LTBP2: variants seen among roughly 807,000 people sequenced by gnomAD.
The protein encoded by LTBP2 is latent-transforming growth factor beta-binding protein 2.
A neutral mutation model predicts 210.6 loss-of-function variants in LTBP2; 103 were observed. That is an observed-to-expected ratio of 0.49 (90% confidence interval 0.42 to 0.58). The LOEUF is 0.58. Among genes scored for constraint, LTBP2 ranks in the 20% least tolerant of loss-of-function variants. The probability of loss-of-function intolerance (pLI) is 0.00; values close to 1 mark genes in which losing one functional copy is unlikely to be tolerated. For missense variants in LTBP2, 2,313 were observed against 2,494.5 expected, an observed-to-expected ratio of 0.93 and a Z score of 1.55; for synonymous variants, 1,007 against 1,015.0, an observed-to-expected ratio of 0.99 and a Z score of 0.15.
At chr14:74,527,109 A>G (rs2139716700) in intron 13 of LTBP2, among the ~76,000 whole-genome samples, 1 of 152,358 alleles carries the variant, frequency 6.6e-6, no homozygotes, top group Non-Finnish European at 1.5e-5. Flanking sequence ...CCCAAATGGG[A>G]AAATGCTTGC....
chr14:74,562,337 G>A (rs548394037), intron 3 of LTBP2, among the ~76,000 whole-genome samples: 3 of 152,258 alleles, frequency 2.0e-5, no homozygotes, highest in African/African-American at 4.8e-5. Flanking sequence ...AGGGGAGAGG[G>A]GGGAAGGGAA....
rs910573549 is a variant in LTBP2, at chr14:74,505,052, C to T, written c.4300G>A (p.Ala1434Thr). 3.1e-6 allele frequency: 5 copies of T among 1,614,034 alleles called. No individual in the cohort carries two copies. In the African/African-American group the frequency reaches 6.7e-5, roughly 22 times the overall value. ...GCGCCCTGGGTGCAGCAGCATTCAGCCTGTGTGGTGTTCCGGCCCAGGACA... is the reference window on the plus strand; with the variant it reads ...GCGCCCTGGGTGCAGCAGCATTCAGTCTGTGTGGTGTTCCGGCCCAGGACA... The part of the protein sequence containing the change: ...SSVLGRNTTQ[A>T]ECCCTQGASW... Residue 1434 changes from alanine (A) to threonine (T), a missense_variant, in exon 29 of 36, where the codon GCT (alanine) becomes ACT (threonine). By Grantham distance (58) the Ala-to-Thr change is moderately conservative. Coordinates refer to ENST00000261978, the MANE Select transcript of LTBP2 (RefSeq NM_000428.3).
intron 10 of LTBP2, among the ~76,000 whole-genome samples, chr14:74,530,109 T>C (rs1419938726): frequency 6.6e-6 from 1 of 152,122 alleles, no homozygotes; most frequent in African/African-American, 2.4e-5. Context: ...CTGCCCAGAG[T>C]CTATGCACCA....
intron 3 of LTBP2, among the ~76,000 whole-genome samples, chr14:74,576,207 G>A (rs1225670062): frequency 6.6e-6 from 1 of 152,230 alleles, no homozygotes; most frequent in Non-Finnish European, 1.5e-5. Context: ...CTTGCTAGGG[G>A]ATGGCCCGAG....
intron 1 of LTBP2, among the ~76,000 whole-genome samples, chr14:74,606,921 G>C (rs986502584): frequency 6.6e-6 from 1 of 151,636 alleles, no homozygotes. Flanking sequence ...ATCTGCATCT[G>C]CTGTGATCAC....
At position 74,603,717 on chromosome 14, in the gene LTBP2, C is replaced by A. The variant is rs575586944; in HGVS notation, c.495-12G>T. 6.2e-7 allele frequency: 1 copy of A among 1,613,430 alleles called. No individual in the cohort carries two copies. ...CGCAGACGTTCCTCCTGTGGGGTCA[C>A]CAAAACAGAGTCAACACAAGGATGC... On this transcript the variant is annotated splice_polypyrimidine_tract_variant and intron_variant, in intron 1 of 35. Transcript: ENST00000261978.
At position 74,586,021 on chromosome 14, in the gene LTBP2, G is replaced by T. The variant is rs553629191; in HGVS notation, c.663C>A (p.Val221=). The T allele has an allele frequency of 5.0e-6, 8 of 1,606,850 alleles. No individual in the cohort carries two copies. The Admixed American group carries it at 1.0e-4, about 21-fold the overall frequency. Residue 221 remains valine (V), a synonymous_variant, in exon 3 of 36, where the codon GTC becomes GTA. Transcript: ENST00000261978. The surrounding 1 kb of genome is among the most constrained non-coding windows in gnomAD (Gnocchi z 4.6). ...SGFRGARCEE[V]IPDEEFDPQN... ...GGGGGTCAAATTCCTCATCGGGAAT[G>T]ACCTCCTCGCAGCGGGCTCCACGGA...
rs1241934321 is a variant in LTBP2, at chr14:74,586,781, C to T, written c.566-663G>A. On this transcript the variant is annotated intron_variant, in intron 2 of 35. Coordinates refer to ENST00000261978, the MANE Select transcript of LTBP2 (RefSeq NM_000428.3). The surrounding 1 kb of genome is among the most constrained non-coding windows in gnomAD (Gnocchi z 4.6). ...CTTCCCATTGTTCTCCATCTCCCAC[C>T]CTCCTTAGCAAGGCAGAACTCTCGA... is the stretch of plus-strand genomic sequence containing the variant. 6.6e-6 allele frequency among the ~76,000 whole-genome samples: 1 copy of T among 152,182 alleles called. No homozygotes were observed. Among genetic ancestry groups the T allele is most frequent in the African/African-American group, 2.4e-5 (1 of 41,448 alleles).
chr14:74,597,063 T>G (rs561613634), intron 2 of LTBP2, among the ~76,000 whole-genome samples: 5 of 152,142 alleles, frequency 3.3e-5, no homozygotes, highest in African/African-American at 1.2e-4. Flanking sequence ...AAAAACAAAA[T>G]AGAAGACCCC....
Position 74,552,304 on chromosome 14 carries a change from G to A in LTBP2, c.1282C>T (p.His428Tyr). The A allele has an allele frequency of 6.2e-7, 1 of 1,613,130 alleles. No homozygotes were observed. Residue 428 changes from histidine to tyrosine, a missense_variant, in exon 6 of 36, where the codon CAC becomes TAC. By Grantham distance (83) the His-to-Tyr change is moderately conservative. This residue lies in a region of LTBP2 where 1,867 missense variants were observed against 1,976.9 expected (regional missense o/e 0.94). Transcript: ENST00000261978. ...CPANSTGKFC[H>Y]LPIPQPDREP... Reference sequence around the variant, plus strand: ...CTGTCCGGCTGCGGGATAGGCAGGTGGCAGAACTTCCCGGTGGAGTTGGCG... The same window carrying A: ...CTGTCCGGCTGCGGGATAGGCAGGTAGCAGAACTTCCCGGTGGAGTTGGCG...
intron 3 of LTBP2, among the ~76,000 whole-genome samples, chr14:74,576,630 A>ACT: frequency 6.6e-6 from 1 of 151,826 alleles, no homozygotes; most frequent in East Asian, 2.0e-4. Context: ...TACGCTGTAC[A>ACT]CTGTACAACT....
chr14:74,509,411 C>A, intron 21 of LTBP2, 48 bp from the exon 22 acceptor site: 1 of 1,611,484 alleles, frequency 6.2e-7, no homozygotes, highest in Non-Finnish European at 8.5e-7. Flanking sequence ...GCTCCCACTC[C>A]CCAGGCAATG....
chr14:74,588,463 C>T (rs1293382021), intron 2 of LTBP2, among the ~76,000 whole-genome samples: 3 of 152,064 alleles, frequency 2.0e-5, no homozygotes, highest in Non-Finnish European at 4.4e-5. Flanking sequence ...TCAGGTGATC[C>T]GCCCACCTCG....
rs548205600 is a variant in LTBP2, at chr14:74,549,849, A to T, written c.1789+14T>A. Reference sequence around the variant, plus strand: ...CTTCCTCCACAACACGTGACCTTGGACTCCAGCACTCACCTGGTCTGGGTG... The same window carrying T: ...CTTCCTCCACAACACGTGACCTTGGTCTCCAGCACTCACCTGGTCTGGGTG... On this transcript the variant is annotated intron_variant, in intron 8 of 35. Coordinates refer to ENST00000261978, the MANE Select transcript of LTBP2 (RefSeq NM_000428.3). The T allele has an allele frequency of 6.2e-7, 1 of 1,606,708 alleles. No individual in the cohort carries two copies. The highest frequency in any genetic ancestry group is 2.2e-5 in the East Asian group (1 of 44,822).
At chr14:74,504,130 C>T (rs1187576361) in intron 30 of LTBP2, 76 bp from the exon 31 acceptor site, 4 of 1,574,866 alleles carry the variant, frequency 2.5e-6, no homozygotes, top group Non-Finnish European at 3.5e-6. Context: ...AATCCAAAGC[C>T]AGGCTGGGTT....
In LTBP2 at chr14:74,570,467, C is replaced by G. The variant is rs571892352; in HGVS notation, c.831-14774G>C. On this transcript the variant is annotated intron_variant, in intron 3 of 35. Coordinates refer to ENST00000261978, the MANE Select transcript of LTBP2 (RefSeq NM_000428.3). ...TTTCAGGAACTGGCCAAAGTCCCAGCCTGCCCTTTCCGCTCTCACAGGGGC... is the reference window on the plus strand; with the variant it reads ...TTTCAGGAACTGGCCAAAGTCCCAGGCTGCCCTTTCCGCTCTCACAGGGGC... 7.2e-5 allele frequency among the ~76,000 whole-genome samples: 11 copies of G among 152,312 alleles called. No individual in the cohort carries two copies. The South Asian group carries it at 2.1e-3, about 29-fold the overall frequency.
chr14:74,500,411 C>T lies in LTBP2; in HGVS notation c.*473G>A. The T allele has an allele frequency of 2.8e-6, 1 of 353,194 alleles. No individual in the cohort carries two copies. The allele number at this position is 353,194 out of a possible 1,614,324, so 21.9% of individuals were successfully genotyped here. On this transcript the variant is annotated 3_prime_UTR_variant, in exon 36 of 36. Coordinates refer to ENST00000261978, the MANE Select transcript of LTBP2 (RefSeq NM_000428.3). ...TTAGGAGGGGGCTCTGGAGTCAGTCCCCAAGCTTCCCCAAATCCTTTCTTG... is the reference window on the plus strand; with the variant it reads ...TTAGGAGGGGGCTCTGGAGTCAGTCTCCAAGCTTCCCCAAATCCTTTCTTG...
chr14:74,578,199 C>T (rs2088087128), intron 3 of LTBP2, among the ~76,000 whole-genome samples: 1 of 152,130 alleles, frequency 6.6e-6, no homozygotes, highest in Non-Finnish European at 1.5e-5. Flanking sequence ...CAGTGAGGTG[C>T]AGAAAAACTC....
At chr14:74,535,837 C>T (rs2087413619) in intron 9 of LTBP2, 89 bp downstream of exon 9, 2 of 1,174,518 alleles carry the variant, frequency 1.7e-6, no homozygotes, top group South Asian at 1.3e-5. Context: ...CAGTGGAGAC[C>T]ACTCGGCCAG....
Sources: allele counts gnomAD v4.1 joint callset (sites outside exome capture counted in the v4.1 genomes callset), GRCh38; gene constraint gnomAD v4.1.1; regional missense constraint gnomAD v4.1.1; non-coding constraint Gnocchi (gnomAD v3.1); transcripts MANE v1.5; gene names NCBI Gene and HGNC (gene_info 2026-07-23, HGNC 2026-07-21).